TOX3: variants seen among roughly 807,000 people sequenced by gnomAD.
TOX3 encodes the protein TOX high mobility group box family member 3, also known as CAG trinucleotide repeat-containing gene F9 protein.
In TOX3, 22 loss-of-function variants were observed where a neutral mutation model predicts 64.3. The observed-to-expected ratio is 0.34, with a 90% confidence interval of 0.24 to 0.49. The LOEUF (loss-of-function observed/expected upper bound fraction) is 0.49, where lower values mean the gene tolerates loss of function less well. Among genes scored for constraint, TOX3 ranks in the 20% least tolerant of loss-of-function variants. TOX3 has a pLI of 0.99. For synonymous variants in TOX3, 291 were observed against 273.6 expected (o/e 1.06, Z -0.63); for missense variants, 661 against 714.4 (o/e 0.93, Z 0.85).
At chr16:52,537,405 C>T (rs1182827669) in intron 1 of TOX3, among the ~76,000 whole-genome samples, 2 of 152,102 alleles carry the variant, frequency 1.3e-5, no homozygotes, top group Admixed American at 6.5e-5. Context: ...ACAAGAAGGG[C>T]GTTCCTAATA....
intron 1 of TOX3, among the ~76,000 whole-genome samples, chr16:52,520,248 T>G (rs377081693): frequency 2.9e-4 from 44 of 152,322 alleles, no homozygotes; most frequent in African/African-American, 1.0e-3. Context: ...CCAATAAAAT[T>G]GTGTAATTTA....
At chr16:52,471,713 T>C (rs906592558) in intron 1 of TOX3, among the ~76,000 whole-genome samples, 24 of 152,202 alleles carry the variant, frequency 1.6e-4, no homozygotes, top group Non-Finnish European at 3.1e-4. Context: ...ACTTACTTTT[T>C]AAAAGATGAT....
At chr16:52,515,164 T>C (rs1962420065) in intron 1 of TOX3, among the ~76,000 whole-genome samples, 1 of 144,544 alleles carries the variant, frequency 6.9e-6, no homozygotes, top group South Asian at 2.2e-4. Flanking sequence ...ATGAATAACT[T>C]AAAAGTATAG....
At chr16:52,520,531 T>C (rs572304451) in intron 1 of TOX3, among the ~76,000 whole-genome samples, 2 of 152,374 alleles carry the variant, frequency 1.3e-5, no homozygotes, top group East Asian at 3.9e-4. Context: ...ATCACTTTCA[T>C]GCATTTTGCC....
At position 52,464,196 on chromosome 16, in the gene TOX3, G is replaced by C; in HGVS notation, c.154-8C>G. On this transcript the variant is annotated splice_region_variant and splice_polypyrimidine_tract_variant and intron_variant, in intron 2 of 6. Transcript: ENST00000219746. Reference sequence around the variant, plus strand: ...TGGTGTGTGGAATGTCTGCTAAAAGGAAACAAAATACAGGTATCTTCATAT... The same window carrying C: ...TGGTGTGTGGAATGTCTGCTAAAAGCAAACAAAATACAGGTATCTTCATAT... The C allele has an allele frequency of 1.3e-6, 2 of 1,496,684 alleles. No homozygotes were observed. Among genetic ancestry groups the C allele is most frequent in the Non-Finnish European group, 1.8e-6 (2 of 1,120,388 alleles). The allele number at this position is 1,496,684 out of a possible 1,614,324, so 92.7% of individuals were successfully genotyped here. A position where few individuals can be genotyped will look rare whatever the true frequency, so the allele number is the denominator to read the frequency against.
Position 52,440,964 on chromosome 16 carries a change from A to G in TOX3, c.988-996T>C, listed in dbSNP as rs1470142308. Among the ~76,000 whole-genome samples, 3 of 151,692 alleles carry G rather than the reference A, an allele frequency of 2.0e-5. No homozygotes were observed. In the East Asian group the frequency reaches 5.8e-4, roughly 29 times the overall value. On this transcript the variant is annotated intron_variant, in intron 6 of 6. Coordinates refer to ENST00000219746, the MANE Select transcript of TOX3 (RefSeq NM_001080430.4). ...TTTTTAGTAGAGACAGGGTTTTACC[A>G]TGTTAGCCAGGATGGTCTTGATCTC...
At chr16:52,468,620 G>A in intron 1 of TOX3, 46 bp from the exon 2 acceptor site, 1 of 1,456,242 alleles carries the variant, frequency 6.9e-7, no homozygotes, top group Non-Finnish European at 9.6e-7. Context: ...GCATAATAAA[G>A]CATTCTGGCT....
chr16:52,487,391 C>A (rs1596818215), intron 1 of TOX3, among the ~76,000 whole-genome samples: 1 of 151,988 alleles, frequency 6.6e-6, no homozygotes, highest in Admixed American at 6.6e-5. Flanking sequence ...TTCCTCAATA[C>A]CCTTTCACTA....
At chr16:52,441,247 T>C (rs754105315) in intron 6 of TOX3, among the ~76,000 whole-genome samples, 1 of 152,244 alleles carries the variant, frequency 6.6e-6, no homozygotes, top group Non-Finnish European at 1.5e-5. Context: ...TGATTATTTA[T>C]AACAAGGTTC....
chr16:52,488,705 T>G (rs976754412), intron 1 of TOX3, among the ~76,000 whole-genome samples: 1 of 152,196 alleles, frequency 6.6e-6, no homozygotes, highest in Non-Finnish European at 1.5e-5. Flanking sequence ...TGTCCTCAAA[T>G]CTATGATTGA....
At chr16:52,453,880 A>G (rs1960437321) in intron 3 of TOX3, among the ~76,000 whole-genome samples, 1 of 152,236 alleles carries the variant, frequency 6.6e-6, no homozygotes, top group Non-Finnish European at 1.5e-5. Flanking sequence ...ATAGACAGCC[A>G]AGGTTCACTG....
In TOX3 at chr16:52,480,478, G is replaced by A. The variant is rs144294489; in HGVS notation, c.88-11904C>T. Among the ~76,000 whole-genome samples, 295 of 152,242 alleles carry A rather than the reference G, an allele frequency of 1.9e-3. 2 individuals are homozygous for A. The highest frequency in any genetic ancestry group is 1.7e-3 in the Non-Finnish European group (116 of 68,016). ...ATGACATATTTACACTGGACACCCCGAGTAAGTCTCCTGGGCATCACTTCT... is the reference window on the plus strand; with the variant it reads ...ATGACATATTTACACTGGACACCCCAAGTAAGTCTCCTGGGCATCACTTCT... On this transcript the variant is annotated intron_variant, in intron 1 of 6. Coordinates refer to ENST00000219746, the MANE Select transcript of TOX3 (RefSeq NM_001080430.4).
At chr16:52,512,151 A>G (rs1962329995) in intron 1 of TOX3, among the ~76,000 whole-genome samples, 1 of 152,224 alleles carries the variant, frequency 6.6e-6, no homozygotes, top group African/African-American at 2.4e-5. Flanking sequence ...ATAGCAAGGT[A>G]CTTTTTATGA....
chr16:52,480,883 G>A (rs966009727), intron 1 of TOX3, among the ~76,000 whole-genome samples: 7 of 149,204 alleles, frequency 4.7e-5, no homozygotes, highest in East Asian at 2.1e-4. Context: ...ATTCTCTGCC[G>A]GGGCAATTTT....
At chr16:52,539,179 TTA>T (rs1196188388) in intron 1 of TOX3, among the ~76,000 whole-genome samples, 1 of 152,248 alleles carries the variant, frequency 6.6e-6, no homozygotes, top group African/African-American at 2.4e-5. Flanking sequence ...TGGTTTTAAA[TTA>T]TGTTATCACA....
chr16:52,465,005 CTTTTTTTTTTTT>C (rs1168498170), intron 2 of TOX3, among the ~76,000 whole-genome samples: 6 of 70,942 alleles, frequency 8.5e-5, no homozygotes, highest in South Asian at 1.3e-3. Flanking sequence ...TTAATGCATT[CTTTTTTTTTTTT>C]TTTTTTTTTT....
chr16:52,502,541 A>G (rs140053721), intron 1 of TOX3, among the ~76,000 whole-genome samples: 29 of 152,356 alleles, frequency 1.9e-4, no homozygotes, highest in African/African-American at 6.7e-4. Context: ...CATTTTTAAT[A>G]AAAAGCAGTA....
At chr16:52,492,280 G>A (rs1227731634) in intron 1 of TOX3, among the ~76,000 whole-genome samples, 1 of 145,294 alleles carries the variant, frequency 6.9e-6, no homozygotes, top group Non-Finnish European at 1.5e-5. Flanking sequence ...ATGGTTGAGA[G>A]GGAGGAAAAG....
intron 1 of TOX3, among the ~76,000 whole-genome samples, chr16:52,476,049 T>C (rs759316730): frequency 2.6e-5 from 4 of 152,334 alleles, no homozygotes; most frequent in Non-Finnish European, 5.9e-5. Context: ...GCTGTTTTGT[T>C]GATAGCAATG....
Sources: gnomAD v4.1 joint callset for allele counts (sites outside exome capture counted in the v4.1 genomes callset) on GRCh38, gnomAD v4.1.1 for gene constraint, MANE v1.5 for transcripts, NCBI Gene and HGNC (gene_info 2026-07-23, HGNC 2026-07-21) for gene names.